Variants in NUP210 observed in about 807,000 individuals in gnomAD.
The protein encoded by NUP210 is nucleoporin 210, also known as nuclear pore membrane glycoprotein 210.
Under a neutral mutation model 196.0 loss-of-function variants are expected in NUP210, and 151 were observed. The ratio of observed to expected loss-of-function variants is 0.77; its 90% CI spans 0.67 to 0.88. The LOEUF is 0.88. NUP210 is among the 40% of genes least tolerant of loss of function. NUP210 has a pLI of 0.00. For synonymous variants in NUP210, 1,070 were observed against 1,052.7 expected (o/e 1.02, Z -0.32); for missense variants, 2,314 against 2,493.7 (o/e 0.93, Z 1.53).
intron 2 of NUP210, among the ~76,000 whole-genome samples, chr3:13,397,808 G>A (rs1181804798): frequency 6.6e-6 from 1 of 152,238 alleles, no homozygotes; most frequent in Non-Finnish European, 1.5e-5. Context: ...AAGGGTTATA[G>A]TATGATGAGT....
rs1391899087 is a variant in NUP210 at position 13,350,928 on chromosome 3, G to A, written c.2835+951C>T. On this transcript the variant is annotated intron_variant, in intron 20 of 39. Transcript: ENST00000254508. This position sits in a 1 kb window ranked among gnomAD's most constrained non-coding sequence, Gnocchi z 4.1. Reference sequence around the variant, plus strand: ...TTAGCCAGGATGGTCTCAATCTCCTGACCTTGTGATCAGCCTGCCTCGGCC... The same window carrying A: ...TTAGCCAGGATGGTCTCAATCTCCTAACCTTGTGATCAGCCTGCCTCGGCC... 6.6e-6 allele frequency among the ~76,000 whole-genome samples: 1 copy of A among 151,820 alleles called. No homozygotes were observed. Among genetic ancestry groups the A allele is most frequent in the African/African-American group, 2.4e-5 (1 of 41,308 alleles).
rs1429846081 is a variant in NUP210, at chr3:13,353,976, C to G, written c.2460G>C (p.Glu820Asp). Residue 820 changes from glutamate (E) to aspartate (D), a missense_variant, in exon 17 of 40, where the codon GAG becomes GAC. Physicochemically the swap from Glu to Asp is conservative, Grantham distance 45. Transcript: ENST00000254508. ...ACACCAGCTGCATGGGCAGCTCAGG[C>G]TCGATGCTGGCCAACACTGGCCTGG... Reference protein sequence around the residue: ...ESTRPVLASIEPELPMQLVSQ... With the variant: ...ESTRPVLASIDPELPMQLVSQ... 2 of 1,609,882 alleles carry G rather than the reference C, an allele frequency of 1.2e-6. No individual in the cohort carries two copies. The highest frequency in any genetic ancestry group is 2.7e-5 in the African/African-American group (2 of 74,910).
intron 18 of NUP210, 120 bp from the exon 19 acceptor site, chr3:13,352,304 C>T: frequency 1.5e-6 from 1 of 684,284 alleles, no homozygotes; most frequent in Non-Finnish European, 2.5e-6. Context: ...CCCTGGTGCT[C>T]CTGAGCCCAG....
rs35136269 is a variant in NUP210, at chr3:13,399,265, C to CAAA, written c.304+457_304+459dup. On this transcript the variant is annotated intron_variant, in intron 2 of 39. Transcript: ENST00000254508. The stretch of plus-strand genomic sequence containing the variant: ...TGGGCGACAGAGCAAGACTCTGTCT[C>CAAA]AAAAAAAAAAAAAAAAAAAAAAATC... 1.5e-3 allele frequency among the ~76,000 whole-genome samples: 98 copies of CAAA among 65,136 alleles called. 1 individual carries two copies. Among genetic ancestry groups the CAAA allele is most frequent in the South Asian group, 3.4e-3 (6 of 1,756 alleles). The allele number at this position is 65,136 out of a possible 152,430, so 42.7% of individuals were successfully genotyped here.
At position 13,321,648 on chromosome 3, in the gene NUP210, G is replaced by A. The variant is rs775410795; in HGVS notation, c.5103C>T (p.Ser1701=). 6.2e-7 allele frequency: 1 copy of A among 1,614,108 alleles called. No individual in the cohort carries two copies. Among genetic ancestry groups the A allele is most frequent in the South Asian group, 1.1e-5 (1 of 91,068 alleles). ...LFADQAEILL[S]NHYTSSEIRV... ...TGATCTCGGAACTGGTGTAGTGGTT[G>A]CTCAAAAGGATTTCAGCCTGGTCGG... Residue 1701 remains serine, a synonymous_variant, in exon 36 of 40, where the codon AGC becomes AGT. Coordinates refer to ENST00000254508, the MANE Select transcript of NUP210 (RefSeq NM_024923.4).
At chr3:13,380,763 G>A (rs947213388) in intron 6 of NUP210, among the ~76,000 whole-genome samples, 3 of 152,230 alleles carry the variant, frequency 2.0e-5, no homozygotes, top group African/African-American at 4.8e-5. Context: ...AGGACTCCCA[G>A]AGGAATTCCA....
At chr3:13,338,039 A>C (rs1697297491) in intron 25 of NUP210, 122 bp from the exon 26 acceptor site, 1 of 849,848 alleles carries the variant, frequency 1.2e-6, no homozygotes, top group Non-Finnish European at 1.8e-6. Context: ...GCCCCTCAGG[A>C]TGACCAGCAC....
Position 13,348,677 on chromosome 3 carries a change from C to T in NUP210, c.2835+3202G>A, listed in dbSNP as rs1323437071. The T allele has an allele frequency of 2.0e-6, 2 of 985,402 alleles. No homozygotes were observed. Among genetic ancestry groups the T allele is most frequent in the East Asian group, 1.1e-4 (1 of 8,810 alleles). 61.0% of individuals were successfully genotyped at this position (985,402 alleles called of 1,614,324 possible). A position where few individuals can be genotyped will look rare whatever the true frequency, so the allele number is the denominator to read the frequency against. On this transcript the variant is annotated intron_variant, in intron 20 of 39. Coordinates refer to ENST00000254508, the MANE Select transcript of NUP210 (RefSeq NM_024923.4). The surrounding 1 kb of genome is among the most constrained non-coding windows in gnomAD (Gnocchi z 4.0). ...CTGCTTGTGGTCTCAGGCTCCTCGCCTCCTCCAGTGTCCTCCAACCACAAG... is the reference window on the plus strand; with the variant it reads ...CTGCTTGTGGTCTCAGGCTCCTCGCTTCCTCCAGTGTCCTCCAACCACAAG...
At chr3:13,328,692 T>C in intron 31 of NUP210, 79 bp downstream of exon 31, 1 of 1,349,544 alleles carries the variant, frequency 7.4e-7, no homozygotes, top group East Asian at 2.3e-5. Context: ...AGCAGCAGAC[T>C]TTCTGTGTTA....
At chr3:13,392,474 T>G (rs756621374) in intron 3 of NUP210, among the ~76,000 whole-genome samples, 7 of 152,190 alleles carry the variant, frequency 4.6e-5, no homozygotes, top group Non-Finnish European at 7.3e-5. Context: ...AAATGAAAAC[T>G]CTATGGTTTC....
chr3:13,391,579 C>A (rs768810605), intron 3 of NUP210, among the ~76,000 whole-genome samples: 1 of 151,048 alleles, frequency 6.6e-6, no homozygotes, highest in Non-Finnish European at 1.5e-5. Context: ...TGACTCCCTG[C>A]CCTTGACTGC....
intron 9 of NUP210, among the ~76,000 whole-genome samples, chr3:13,377,061 C>T (rs556132658): frequency 2.0e-5 from 3 of 152,292 alleles, no homozygotes; most frequent in Non-Finnish European, 2.9e-5. Context: ...GAACCCAGTA[C>T]GGAGAAAGCC....
rs763170565 is a variant in NUP210 at position 13,348,432 on chromosome 3, G to A, written c.2835+3447C>T. 117 of 985,318 alleles carry A rather than the reference G, an allele frequency of 1.2e-4. No homozygotes were observed. The highest frequency in any genetic ancestry group is 1.4e-4 in the Non-Finnish European group (113 of 829,948). 61.0% of individuals were successfully genotyped at this position (985,318 alleles called of 1,614,324 possible). ...GTGCAAGGTAAATGTGAATGAGAGT[G>A]TGCCTCGGTTTCACTGGCACTGTAC... On this transcript the variant is annotated intron_variant, in intron 20 of 39. Coordinates refer to ENST00000254508, the MANE Select transcript of NUP210 (RefSeq NM_024923.4). This position sits in a 1 kb window ranked among gnomAD's most constrained non-coding sequence, Gnocchi z 4.0.
intron 13 of NUP210, among the ~76,000 whole-genome samples, chr3:13,369,064 G>A (rs1373052536): frequency 6.6e-6 from 1 of 152,214 alleles, no homozygotes; most frequent in Admixed American, 6.5e-5. Context: ...GCACATAAGA[G>A]TTCCAGTGTC....
At chr3:13,400,287 C>T (rs746224158) in intron 1 of NUP210, among the ~76,000 whole-genome samples, 9 of 152,188 alleles carry the variant, frequency 5.9e-5, no homozygotes, top group Non-Finnish European at 1.2e-4. Context: ...CCAGGCCTGG[C>T]GCACAGCAGG....
In NUP210 at chr3:13,397,425, G is replaced by C. The variant is rs1419509908; in HGVS notation, c.368C>G (p.Ser123Cys). Residue 123 changes from serine to cysteine, a missense_variant, in exon 3 of 40, where the codon TCC (serine) becomes TGC (cysteine). Physicochemically the swap from Ser to Cys is moderately radical, Grantham distance 112 (BLOSUM62 -1). Coordinates refer to ENST00000254508, the MANE Select transcript of NUP210 (RefSeq NM_024923.4). ...CTCCAGGTAGAGCTCGCGGGTGGTG[G>C]AGACGATCTGGATGTCATGGATGAG... ...VDLIHDIQIV[S>C]TTRELYLEDS... The C allele has an allele frequency of 1.2e-6, 2 of 1,613,212 alleles. No homozygotes were observed. Among genetic ancestry groups the C allele is most frequent in the Non-Finnish European group, 8.5e-7 (1 of 1,179,682 alleles).
Position 13,319,760 on chromosome 3 carries a change from CACA to C in NUP210, c.5383_5383+2del, listed in dbSNP as rs768698143. The C allele has an allele frequency of 6.2e-7, 1 of 1,613,878 alleles. No individual in the cohort carries two copies. The highest frequency in any genetic ancestry group is 1.7e-4 in the Middle Eastern group (1 of 6,060). ...TCCCAGATGATGTCGTTCCGTGACT[CACA>C]AGGACCGGGCCCACGGCGATCCACC... On this transcript the variant is annotated splice_donor_variant and coding_sequence_variant, in exon 37 of 40. Coordinates refer to ENST00000254508, the MANE Select transcript of NUP210 (RefSeq NM_024923.4). LOFTEE classifies it high-confidence loss of function.
chr3:13,373,661 G>A, intron 12 of NUP210, 57 bp downstream of exon 12: 1 of 1,577,998 alleles, frequency 6.3e-7, no homozygotes, highest in Non-Finnish European at 8.7e-7. Context: ...CTCAGAGGGG[G>A]CGGCTGGAGA....
chr3:13,324,985 G>A (rs1381161320), intron 33 of NUP210, among the ~76,000 whole-genome samples: 1 of 152,212 alleles, frequency 6.6e-6, no homozygotes, highest in Non-Finnish European at 1.5e-5. Flanking sequence ...CTCAGTCATA[G>A]CCTCGCAGTG....
Sources: gnomAD v4.1 joint callset for allele counts (sites outside exome capture counted in the v4.1 genomes callset) on GRCh38, gnomAD v4.1.1 for gene constraint, Gnocchi (gnomAD v3.1) non-coding constraint, MANE v1.5 for transcripts, NCBI Gene and HGNC (gene_info 2026-07-23, HGNC 2026-07-21) for gene names.